Variants in ARID1A observed in about 807,000 individuals in gnomAD.
The protein encoded by ARID1A is AT-rich interaction domain 1A, also known as AT-rich interactive domain-containing protein 1A.
ARID1A carries 20 observed loss-of-function variants against 212.6 expected under a neutral mutation model. That is an observed-to-expected ratio of 0.09 (90% CI 0.07 to 0.14). The LOEUF (loss-of-function observed/expected upper bound fraction) is 0.14, where lower values mean the gene tolerates loss of function less well. ARID1A is among the 10% of genes least tolerant of loss of function. The probability of loss-of-function intolerance (pLI) is 1.00; values close to 1 mark genes in which losing one functional copy is unlikely to be tolerated. For missense variants in ARID1A, 2,587 were observed against 3,059.0 expected (o/e 0.85, Z 3.64); for synonymous variants, 1,376 against 1,222.1 (o/e 1.13, Z -2.63).
At chr1:26,765,903 T>TG (rs1286585094) in intron 8 of ARID1A, 3 of 232,384 alleles carry the variant, frequency 1.3e-5, no homozygotes, top group African/African-American at 4.5e-5. Flanking sequence ...TAGCTGGACA[T>TG]GGTGGTGCAT....
intron 4 of ARID1A, among the ~76,000 whole-genome samples, chr1:26,738,251 T>A (rs1242872612): frequency 6.6e-6 from 1 of 152,140 alleles, no homozygotes; most frequent in African/African-American, 2.4e-5. Context: ...CTCGAACTCC[T>A]GACCTGGGTG....
rs200927747 is a variant in ARID1A at position 26,761,044 on chromosome 1, C to G, written c.2109C>G (p.Pro703=). ...RGPSPSPVGS[P]ASVAQSRSGP... The stretch of plus-strand genomic sequence containing the variant: ...CTTCCCCGTCCCCTGTTGGCTCTCC[C>G]GCCAGTGTTGCTCAGTCTCGCTCAG... The change falls in exon 5 of 20, where the codon CCC becomes CCG. Residue 703 remains proline (P), a synonymous_variant. Transcript: ENST00000324856. The G allele has an allele frequency of 6.2e-7, 1 of 1,614,112 alleles. No individual in the cohort carries two copies. The highest frequency in any genetic ancestry group is 8.5e-7 in the Non-Finnish European group (1 of 1,180,022).
chr1:26,749,308 G>T (rs890064663), intron 4 of ARID1A, among the ~76,000 whole-genome samples: 2 of 152,154 alleles, frequency 1.3e-5, no homozygotes, highest in Non-Finnish European at 2.9e-5. Context: ...GTAGGGGACA[G>T]CTGTGAGGAG....
intron 1 of ARID1A, among the ~76,000 whole-genome samples, chr1:26,724,239 G>A (rs1470941927): frequency 6.6e-6 from 1 of 152,160 alleles, no homozygotes; most frequent in Non-Finnish European, 1.5e-5. Flanking sequence ...AAAATGAGTA[G>A]TGGTCAAGAC....
intron 1 of ARID1A, among the ~76,000 whole-genome samples, chr1:26,710,494 T>TACACAC (rs61663540): frequency 0.044 from 5,741 of 131,450 alleles, 197 homozygotes; most frequent in Admixed American, 0.08. Flanking sequence ...AAATAATACA[T>TACACAC]ACACACACAC....
chr1:26,762,386 T>C (rs2124065377), intron 7 of ARID1A, 67 bp downstream of exon 7: 1 of 1,529,380 alleles, frequency 6.5e-7, no homozygotes, highest in African/African-American at 1.4e-5. Flanking sequence ...GTCTGATATG[T>C]TGCCATCTAG....
intron 1 of ARID1A, among the ~76,000 whole-genome samples, chr1:26,702,320 T>C (rs1321381543): frequency 6.6e-6 from 1 of 152,254 alleles, no homozygotes; most frequent in African/African-American, 2.4e-5. Flanking sequence ...CTATTCTTTC[T>C]CTTCTCCAGC....
chr1:26,741,010 G>C (rs773042387), intron 4 of ARID1A, among the ~76,000 whole-genome samples: 2 of 152,214 alleles, frequency 1.3e-5, no homozygotes, highest in Non-Finnish European at 2.9e-5. Context: ...CAAATGTCCA[G>C]TTTCTAGTTG....
intron 1 of ARID1A, among the ~76,000 whole-genome samples, chr1:26,712,207 G>C (rs1002833353): frequency 6.6e-5 from 10 of 152,166 alleles, no homozygotes; most frequent in African/African-American, 2.2e-4. Flanking sequence ...CTAATTAAAT[G>C]CCATGATGTC....
rs2080280461 is a variant in ARID1A, at chr1:26,697,342, G to A, written c.939G>A (p.Gly313=). The change falls in exon 1 of 20, where the codon GGG becomes GGA. Residue 313 remains glycine (G), a synonymous_variant. Transcript: ENST00000324856. ...SSARGYQGYP[G]GDYSGGPQDG... ...CCCGGGGCTACCAGGGCTACCCCGG[G>A]GGCGACTACAGTGGCGGGCCCCAGG... 1.5e-6 allele frequency: 2 copies of A among 1,329,738 alleles called. No individual in the cohort carries two copies. The highest frequency in any genetic ancestry group is 1.9e-6 in the Non-Finnish European group (2 of 1,046,778). The allele number at this position is 1,329,738 out of a possible 1,614,324, so 82.4% of individuals were successfully genotyped here. A position where few individuals can be genotyped will look rare whatever the true frequency, so the allele number is the denominator to read the frequency against.
intron 3 of ARID1A, among the ~76,000 whole-genome samples, 190 bp downstream of exon 3, chr1:26,731,794 C>T (rs574190414): frequency 6.6e-6 from 1 of 152,276 alleles, no homozygotes; most frequent in South Asian, 2.1e-4. Flanking sequence ...GCATAAAGAC[C>T]TGTAGCTCTC....
At chr1:26,697,967 C>T (rs1253438561) in intron 1 of ARID1A, among the ~76,000 whole-genome samples, 2 of 152,148 alleles carry the variant, frequency 1.3e-5, no homozygotes, top group Non-Finnish European at 1.5e-5. Flanking sequence ...CCCCGGCCTT[C>T]CTCTGGGCCG....
In ARID1A at chr1:26,766,563, C is replaced by G. The variant is rs765728849; in HGVS notation, c.2985C>G (p.Ser995=). The part of the protein sequence containing the change: ...ADGTPKTESK[S]KKSSSSTTTN... ...GGACACCCAAGACAGAATCCAAATC[C>G]AAGGTAGTGATTTTTGTCTTGACTC... Residue 995 remains serine (S), a synonymous_variant, in exon 10 of 20, where the codon TCC becomes TCG. Coordinates refer to ENST00000324856, the MANE Select transcript of ARID1A (RefSeq NM_006015.6). 2.5e-6 allele frequency: 4 copies of G among 1,608,396 alleles called. No individual in the cohort carries two copies. In the African/African-American group the frequency reaches 5.4e-5, roughly 22 times the overall value.
chr1:26,780,873 C>T lies in ARID1A; in HGVS notation c.*117C>T, dbSNP rs2081186424. ...CAGAATCCAGTTTACCCTGTGCTGT[C>T]CAGCTTCTCCCTTGGGAAAAAGTCT... On this transcript the variant is annotated 3_prime_UTR_variant, in exon 20 of 20. Coordinates refer to ENST00000324856, the MANE Select transcript of ARID1A (RefSeq NM_006015.6). The surrounding 1 kb of genome is among the most constrained non-coding windows in gnomAD (Gnocchi z 7.2). The T allele has an allele frequency of 7.2e-7, 1 of 1,384,252 alleles. No homozygotes were observed. Among genetic ancestry groups the T allele is most frequent in the Non-Finnish European group, 9.7e-7 (1 of 1,033,580 alleles). 85.7% of individuals were successfully genotyped at this position (1,384,252 alleles called of 1,614,324 possible).
chr1:26,710,184 C>T (rs569684014), intron 1 of ARID1A, among the ~76,000 whole-genome samples: 18 of 148,304 alleles, frequency 1.2e-4, no homozygotes, highest in African/African-American at 4.2e-4. Context: ...GCCTGCCATC[C>T]CAGCACTTTG....
intron 4 of ARID1A, among the ~76,000 whole-genome samples, chr1:26,760,545 C>T (rs370075986): frequency 2.0e-5 from 3 of 151,972 alleles, no homozygotes; most frequent in Admixed American, 6.6e-5. Context: ...AAAATTTAGC[C>T]GGGCGTGGTG....
At chr1:26,718,748 T>C (rs1352913437) in intron 1 of ARID1A, among the ~76,000 whole-genome samples, 1 of 152,186 alleles carries the variant, frequency 6.6e-6, no homozygotes, top group East Asian at 1.9e-4. Context: ...GGCACAACCA[T>C]CGTAGGCCTA....
intron 2 of ARID1A, among the ~76,000 whole-genome samples, chr1:26,730,261 T>C (rs1301276453): frequency 6.6e-6 from 1 of 152,168 alleles, no homozygotes; most frequent in African/African-American, 2.4e-5. Context: ...CTTTAACATA[T>C]CTGCCTTCTG....
Position 26,746,999 on chromosome 1 carries a change from G to A in ARID1A, c.1921-13857G>A, listed in dbSNP as rs187506111. Among the ~76,000 whole-genome samples the A allele has an allele frequency of 1.1e-3, 170 of 152,184 alleles. 2 individuals carry two copies. Among genetic ancestry groups the A allele is most frequent in the Non-Finnish European group, 2.9e-4 (20 of 68,006 alleles). ...AGAGGTTGCAGTAAGCCAAGATCGC[G>A]CCACTGCACTCCAGCCTGGTGACAG... On this transcript the variant is annotated intron_variant, in intron 4 of 19. Transcript: ENST00000324856.
Sources: gnomAD v4.1 joint callset for allele counts (sites outside exome capture counted in the v4.1 genomes callset) on GRCh38, gnomAD v4.1.1 for gene constraint, Gnocchi (gnomAD v3.1) non-coding constraint, MANE v1.5 for transcripts, NCBI Gene and HGNC (gene_info 2026-07-23, HGNC 2026-07-21) for gene names.